The following UPRT variants were observed in gnomAD, a reference collection of about 807,000 sequenced individuals.
UPRT encodes the protein RP11-311P8.3.
A neutral mutation model predicts 22.6 loss-of-function variants in UPRT; 5 were observed. That is an observed-to-expected ratio of 0.22 (90% CI 0.12 to 0.47). UPRT has a LOEUF of 0.47. Among genes scored for constraint, UPRT ranks in the 20% least tolerant of loss-of-function variants. The probability of loss-of-function intolerance (pLI) is 0.99; values close to 1 mark genes in which losing one functional copy is unlikely to be tolerated. For synonymous variants in UPRT, 77 were observed against 87.7 expected, an observed-to-expected ratio of 0.88 and a Z score of 0.68; for missense variants, 181 against 239.9, an observed-to-expected ratio of 0.75 and a Z score of 1.62.
intron 4 of UPRT, among the ~76,000 whole-genome samples, chrX:75,193,457 T>G (rs759002355): frequency 9.0e-6 from 1 of 111,692 alleles, no homozygotes; most frequent in Non-Finnish European, 1.9e-5. Flanking sequence ...GATGGTCTTC[T>G]TGTGTAGTAT....
intron 6 of UPRT, among the ~76,000 whole-genome samples, chrX:75,301,465 A>G (rs952041179): frequency 8.0e-5 from 9 of 112,116 alleles, no homozygotes; most frequent in Non-Finnish European, 1.5e-4. Flanking sequence ...GTTTTTCGCC[A>G]TACATTGCAG....
intron 4 of UPRT, among the ~76,000 whole-genome samples, chrX:75,249,689 T>A (rs2082521440): frequency 1.8e-5 from 2 of 111,246 alleles, no homozygotes; most frequent in South Asian, 7.6e-4. Context: ...GGAATTGAAC[T>A]CAGCTCTGCA....
chrX:75,286,310 G>T (rs1296957812), intron 1 of UPRT, among the ~76,000 whole-genome samples: 1 of 87,605 alleles, frequency 1.1e-5, no homozygotes, highest in Non-Finnish European at 2.1e-5. Flanking sequence ...TTTACTTGGG[G>T]GGGGGGTGGG....
chrX:75,257,125 TACTA>T (rs2082552047), intron 4 of UPRT, among the ~76,000 whole-genome samples: 1 of 111,968 alleles, frequency 8.9e-6, no homozygotes, highest in Admixed American at 9.5e-5. Flanking sequence ...CTTAACAAAA[TACTA>T]ACTAACCAAA....
At chrX:75,242,138 G>T (rs2082490417) in intron 4 of UPRT, among the ~76,000 whole-genome samples, 2 of 111,603 alleles carry the variant, frequency 1.8e-5, no homozygotes, top group Non-Finnish European at 3.8e-5. Context: ...TGAGATCTAA[G>T]AAATAAGGTA....
intron 4 of UPRT, among the ~76,000 whole-genome samples, chrX:75,180,328 CCT>C (rs745339813): frequency 8.9e-6 from 1 of 112,027 alleles, no homozygotes; most frequent in East Asian, 2.8e-4. Flanking sequence ...TTCTACTACC[CCT>C]GTGTTTTGCT....
At chrX:75,212,637 C>T (rs2082383015) in intron 4 of UPRT, among the ~76,000 whole-genome samples, 1 of 111,843 alleles carries the variant, frequency 8.9e-6, no homozygotes, top group South Asian at 3.8e-4. Context: ...ATGTCCTTTG[C>T]AGGGACATGG....
intron 5 of UPRT, 51 bp from the exon 6 acceptor site, chrX:75,300,816 T>G (rs757589821): frequency 3.6e-5 from 37 of 1,031,649 alleles, no homozygotes; most frequent in Non-Finnish European, 8.0e-6. Flanking sequence ...AAAAGACATT[T>G]AAAAATGAAT....
At chrX:75,180,681 G>GTTTTTTTTTTTTTT (rs59522302) in intron 4 of UPRT, among the ~76,000 whole-genome samples, 3 of 43,899 alleles carry the variant, frequency 6.8e-5, no homozygotes, top group African/African-American at 9.2e-5. Flanking sequence ...CCTTTTCTCT[G>GTTTTTTTTTTTTTT]TTTTTTTTTT....
At chrX:75,200,011 C>T (rs2147622655) in intron 4 of UPRT, among the ~76,000 whole-genome samples, 1 of 112,173 alleles carries the variant, frequency 8.9e-6, no homozygotes, top group South Asian at 3.7e-4. Context: ...TATCTTTCCA[C>T]CTCCCAAACT....
intron 4 of UPRT, among the ~76,000 whole-genome samples, chrX:75,220,359 G>A (rs777018042): frequency 3.6e-5 from 4 of 110,641 alleles, no homozygotes; most frequent in African/African-American, 6.6e-5. Context: ...AATCCATTCA[G>A]CCACTCTTTC....
At chrX:75,209,343 C>T (rs766138070) in intron 4 of UPRT, among the ~76,000 whole-genome samples, 3 of 111,184 alleles carry the variant, frequency 2.7e-5, no homozygotes, top group South Asian at 7.7e-4. Context: ...AAGAGTTTGG[C>T]TGAGCACAGT....
chrX:75,292,997 T>G (rs1227493139), intron 1 of UPRT, among the ~76,000 whole-genome samples: 1 of 112,028 alleles, frequency 8.9e-6, no homozygotes, highest in Non-Finnish European at 1.9e-5. Flanking sequence ...AGCAGAGGAT[T>G]TATTTATTGG....
At chrX:75,186,965 A>G (rs1390930500) in intron 4 of UPRT, among the ~76,000 whole-genome samples, 2 of 110,633 alleles carry the variant, frequency 1.8e-5, no homozygotes, top group Non-Finnish European at 3.8e-5. Context: ...ATGGGTCTTG[A>G]CTCTTTATCC....
intron 4 of UPRT, among the ~76,000 whole-genome samples, chrX:75,230,736 A>G (rs1054059781): frequency 9.0e-6 from 1 of 111,668 alleles, no homozygotes; most frequent in African/African-American, 3.3e-5. Context: ...AGGTCCTAGT[A>G]TCTGTGGCTG....
intron 4 of UPRT, among the ~76,000 whole-genome samples, chrX:75,244,727 A>G (rs903112902): frequency 9.0e-6 from 1 of 111,542 alleles, no homozygotes; most frequent in African/African-American, 3.3e-5. Context: ...AATATGCGGA[A>G]GATTAAAACT....
chrX:75,262,476 G>A (rs2082572099), intron 4 of UPRT, among the ~76,000 whole-genome samples: 1 of 111,603 alleles, frequency 9.0e-6, no homozygotes, highest in Non-Finnish European at 1.9e-5. Flanking sequence ...CCAAATAAAA[G>A]ACACAGACTG....
chrX:75,264,663 T>C (rs1329879898), intron 4 of UPRT, among the ~76,000 whole-genome samples: 1 of 111,986 alleles, frequency 8.9e-6, no homozygotes, highest in Non-Finnish European at 1.9e-5. Context: ...TCTGTGTCTT[T>C]TAATTGCAAC....
intron 1 of UPRT, among the ~76,000 whole-genome samples, chrX:75,290,091 T>TA (rs1189669321): frequency 1.8e-5 from 2 of 111,681 alleles, no homozygotes; most frequent in African/African-American, 6.5e-5. Context: ...GTAAGGAACT[T>TA]AAACACATTG....
Sources: allele counts gnomAD v4.1 joint callset (sites outside exome capture counted in the v4.1 genomes callset), GRCh38; gene constraint gnomAD v4.1.1; transcripts MANE v1.5; gene names NCBI Gene and HGNC (gene_info 2026-07-23, HGNC 2026-07-21).